ADAMTSL1: variants seen among roughly 807,000 people sequenced by gnomAD.
The protein encoded by ADAMTSL1 is ADAMTS like 1.
A neutral mutation model predicts 201.8 loss-of-function variants in ADAMTSL1; 126 were observed. The observed-to-expected ratio is 0.62, with a 90% CI of 0.54 to 0.72. ADAMTSL1 has a LOEUF of 0.72. Ranked by LOEUF, ADAMTSL1 falls within the 30% of genes least tolerant of loss-of-function variation. The pLI is 0.00. For synonymous variants in ADAMTSL1, 1,121 were observed against 903.4 expected, an observed-to-expected ratio of 1.24 and a Z score of -4.32; for missense variants, 2,679 against 2,277.8, an observed-to-expected ratio of 1.18 and a Z score of -3.59.
At chr9:18,222,100 A>G (rs545749676) in intron 2 of ADAMTSL1, among the ~76,000 whole-genome samples, 2 of 152,020 alleles carry the variant, frequency 1.3e-5, no homozygotes, top group East Asian at 1.9e-4. Flanking sequence ...ATGGCTATCT[A>G]TGATTTTGTT....
At position 18,858,243 on chromosome 9, in the gene ADAMTSL1, T is replaced by A. The variant is rs545780391; in HGVS notation, c.4249+28266T>A. Among the ~76,000 whole-genome samples the A allele has an allele frequency of 2.6e-5, 4 of 152,218 alleles. No individual in the cohort carries two copies. The East Asian group carries it at 7.7e-4, about 29-fold the overall frequency. On this transcript the variant is annotated intron_variant, in intron 23 of 28. Coordinates refer to ENST00000380548, the MANE Select transcript of ADAMTSL1 (RefSeq NM_001040272.6). ...TGGCACCCACTATCATTAACACACT[T>A]TCTTATGCGATCAAGCCCTCCATAT...
chr9:18,510,242 T>C (rs771895880), intron 2 of ADAMTSL1, among the ~76,000 whole-genome samples: 3 of 152,190 alleles, frequency 2.0e-5, no homozygotes, highest in Non-Finnish European at 4.4e-5. Flanking sequence ...GTGGAATAAA[T>C]GACAACTACT....
At chr9:18,150,096 G>A (rs1290474331) in intron 1 of ADAMTSL1, among the ~76,000 whole-genome samples, 1 of 151,978 alleles carries the variant, frequency 6.6e-6, no homozygotes, top group Non-Finnish European at 1.5e-5. Context: ...ATAGGCAATT[G>A]GGGATATAGG....
At chr9:18,013,884 G>A (rs1820151436) in intron 1 of ADAMTSL1, among the ~76,000 whole-genome samples, 1 of 151,938 alleles carries the variant, frequency 6.6e-6, no homozygotes. Context: ...CATATAAAAA[G>A]TGGTTAAAAA....
At chr9:18,313,331 A>G (rs1255174368) in intron 2 of ADAMTSL1, among the ~76,000 whole-genome samples, 1 of 152,176 alleles carries the variant, frequency 6.6e-6, no homozygotes, top group Non-Finnish European at 1.5e-5. Context: ...TTAAGGCCCC[A>G]GGTGATTCAC....
intron 20 of ADAMTSL1, among the ~76,000 whole-genome samples, chr9:18,806,989 A>C (rs1028961772): frequency 1.3e-5 from 2 of 152,128 alleles, no homozygotes; most frequent in Non-Finnish European, 2.9e-5. Context: ...CATTACTTCT[A>C]ACAGGAACTA....
At chr9:18,119,171 G>T (rs796254856) in intron 1 of ADAMTSL1, among the ~76,000 whole-genome samples, 2 of 152,294 alleles carry the variant, frequency 1.3e-5, no homozygotes, top group Admixed American at 6.5e-5. Flanking sequence ...TAGAAAACAT[G>T]ATGTAAGAAG....
chr9:18,864,439 C>A (rs773503905), intron 23 of ADAMTSL1, among the ~76,000 whole-genome samples: 1 of 152,190 alleles, frequency 6.6e-6, no homozygotes, highest in Non-Finnish European at 1.5e-5. Flanking sequence ...AGGAAGCCCA[C>A]AAATTAAGCC....
At chr9:18,322,564 T>A (rs1438891612) in intron 2 of ADAMTSL1, among the ~76,000 whole-genome samples, 2 of 151,834 alleles carry the variant, frequency 1.3e-5, no homozygotes, top group African/African-American at 2.4e-5. Flanking sequence ...ACCTGGGAAA[T>A]AGAGGTTGCA....
chr9:18,244,041 A>T (rs2132461617), intron 2 of ADAMTSL1, among the ~76,000 whole-genome samples: 1 of 152,126 alleles, frequency 6.6e-6, no homozygotes, highest in East Asian at 1.9e-4. Context: ...ACTACCCCAG[A>T]TAAGGGCTTG....
chr9:18,064,508 T>C (rs982053157), intron 1 of ADAMTSL1, among the ~76,000 whole-genome samples: 1 of 152,224 alleles, frequency 6.6e-6, no homozygotes, highest in African/African-American at 2.4e-5. Flanking sequence ...TACCTCCTTC[T>C]TGAACCACAG....
chr9:18,071,123 G>A lies in ADAMTSL1; in HGVS notation c.88-92739G>A, dbSNP rs141375051. ...GAAGAGAGAGGAGATTGCTGTCGGG[G>A]TTTAAGTTTTGAGATGAGCATTCTG... On this transcript the variant is annotated intron_variant, in intron 1 of 29. Transcript: ENST00000680146. Among the ~76,000 whole-genome samples, 798 of 152,310 alleles carry A rather than the reference G, an allele frequency of 5.2e-3. 6 individuals are homozygous for A. The highest frequency in any genetic ancestry group is 0.019 in the African/African-American group (772 of 41,566).
chr9:18,437,528 G>C (rs1819792855), intron 2 of ADAMTSL1, among the ~76,000 whole-genome samples: 1 of 152,086 alleles, frequency 6.6e-6, no homozygotes, highest in Non-Finnish European at 1.5e-5. Context: ...TGTCACAGAA[G>C]TTGTCTACTG....
intron 9 of ADAMTSL1, among the ~76,000 whole-genome samples, chr9:18,673,266 T>C (rs1829937284): frequency 6.6e-6 from 1 of 152,140 alleles, no homozygotes; most frequent in Non-Finnish European, 1.5e-5. Flanking sequence ...AATAGGAAGT[T>C]AACTTCAGGC....
chr9:18,039,155 T>A (rs1313718652), intron 1 of ADAMTSL1, among the ~76,000 whole-genome samples: 1 of 152,168 alleles, frequency 6.6e-6, no homozygotes, highest in Admixed American at 6.6e-5. Context: ...CAGGCCATTA[T>A]TTTAGGAACA....
chr9:18,043,388 T>G (rs927971473), intron 1 of ADAMTSL1, among the ~76,000 whole-genome samples: 1 of 152,148 alleles, frequency 6.6e-6, no homozygotes, highest in African/African-American at 2.4e-5. Context: ...TATACATTTT[T>G]GGGATATTTA....
At chr9:17,918,148 T>C (rs1826174617) in intron 1 of ADAMTSL1, among the ~76,000 whole-genome samples, 1 of 151,854 alleles carries the variant, frequency 6.6e-6, no homozygotes, top group South Asian at 2.1e-4. Context: ...TTTTGTTTTC[T>C]ATTTCACTCA....
intron 2 of ADAMTSL1, among the ~76,000 whole-genome samples, chr9:18,527,128 A>G (rs1819123844): frequency 6.6e-6 from 1 of 152,166 alleles, no homozygotes; most frequent in Non-Finnish European, 1.5e-5. Context: ...TGCTGTCTCA[A>G]AAAAGCAAAA....
At chr9:18,752,477 G>T (rs986519106) in intron 15 of ADAMTSL1, among the ~76,000 whole-genome samples, 2 of 152,198 alleles carry the variant, frequency 1.3e-5, no homozygotes, top group Admixed American at 6.5e-5. Flanking sequence ...TTTAGAAGAT[G>T]CTTCTGACGT....
Sources: allele counts gnomAD v4.1 joint callset (sites outside exome capture counted in the v4.1 genomes callset), GRCh38; gene constraint gnomAD v4.1.1; transcripts MANE v1.5; gene names NCBI Gene and HGNC (gene_info 2026-07-23, HGNC 2026-07-21).